The following ZFHX3 variants were observed in gnomAD, a reference collection of about 807,000 sequenced individuals.
ZFHX3 encodes the protein zinc finger homeobox 3.
Under a neutral mutation model 279.1 loss-of-function variants are expected in ZFHX3, and 42 were observed. The ratio of observed to expected loss-of-function variants is 0.15; its 90% CI spans 0.12 to 0.19. The LOEUF (loss-of-function observed/expected upper bound fraction) is 0.19, where lower values mean the gene tolerates loss of function less well. Among genes scored for constraint, ZFHX3 ranks in the 10% least tolerant of loss-of-function variants. The pLI, the probability that ZFHX3 is intolerant of heterozygous loss-of-function variation, is 1.00. For synonymous variants in ZFHX3, 2,293 were observed against 1,957.8 expected (o/e 1.17, Z -4.52); for missense variants, 4,981 against 4,754.0 (o/e 1.05, Z -1.40).
intron 2 of ZFHX3, chr16:73,504,572 G>A (rs956182924): frequency 3.3e-5 from 5 of 152,286 alleles, no homozygotes; most frequent in Admixed American, 2.6e-4. Context: ...AAAGAGAGAT[G>A]ACACAAGGGA....
chr16:73,816,269 T>C (rs1211948821), intron 1 of ZFHX3, among the ~76,000 whole-genome samples: 2 of 152,158 alleles, frequency 1.3e-5, no homozygotes, highest in South Asian at 4.1e-4. Context: ...GACTGAGTCA[T>C]GAAACATTAA....
At chr16:73,044,683 C>A (rs1364597634) in intron 1 of ZFHX3, among the ~76,000 whole-genome samples, 2 of 152,060 alleles carry the variant, frequency 1.3e-5, no homozygotes, top group Non-Finnish European at 2.9e-5. Flanking sequence ...ATGCAATGGC[C>A]CAATCTCAGC....
chr16:73,083,021 TAAAAAAAAAAA>T (rs71156139), intron 8 of ZFHX3, among the ~76,000 whole-genome samples: 2 of 132,032 alleles, frequency 1.5e-5, no homozygotes, highest in East Asian at 2.1e-4. Context: ...CCATCTCTAC[TAAAAAAAAAAA>T]AAAAAAAAAA....
rs747387623 is a variant in ZFHX3 at position 72,829,730 on chromosome 16, C to T, written c.3529+49G>A. 9.4e-6 allele frequency: 15 copies of T among 1,597,748 alleles called. No homozygotes were observed. In the East Asian group the frequency reaches 3.3e-4, roughly 36 times the overall value. ...CCAGGGAAGGAAAGATGAGAAGGCT[C>T]AAGGACAGCCACACACACTACCTGT... On this transcript the variant is annotated intron_variant, in intron 5 of 9. Transcript: ENST00000268489.
chr16:73,853,545 A>G (rs1961642894), intron 1 of ZFHX3, among the ~76,000 whole-genome samples: 2 of 152,222 alleles, frequency 1.3e-5, no homozygotes, highest in Admixed American at 1.3e-4. Flanking sequence ...GGATGGAACT[A>G]GAGGTCATCA....
At chr16:73,204,769 G>A (rs182612428) in intron 5 of ZFHX3, among the ~76,000 whole-genome samples, 3 of 152,296 alleles carry the variant, frequency 2.0e-5, no homozygotes, top group Admixed American at 1.3e-4. Flanking sequence ...CACAACACTT[G>A]GATGGGGAGC....
chr16:73,319,510 C>A (rs530404362), intron 3 of ZFHX3, among the ~76,000 whole-genome samples: 20 of 151,916 alleles, frequency 1.3e-4, no homozygotes, highest in Non-Finnish European at 2.8e-4. Context: ...CAGGCCCAGA[C>A]AGGAGAGTCA....
At chr16:73,728,316 C>T (rs751637433) in intron 1 of ZFHX3, among the ~76,000 whole-genome samples, 4 of 152,134 alleles carry the variant, frequency 2.6e-5, no homozygotes, top group Non-Finnish European at 5.9e-5. Flanking sequence ...CTGCTGACAC[C>T]TTGATCTCAG....
rs1567552149 is a variant in ZFHX3, at chr16:72,861,553, T to A, written c.3448+28178A>T. 3.3e-5 allele frequency among the ~76,000 whole-genome samples: 5 copies of A among 152,064 alleles called. No individual in the cohort carries two copies. In the South Asian group the frequency reaches 1.0e-3, roughly 31 times the overall value. On this transcript the variant is annotated intron_variant, in intron 4 of 9. Coordinates refer to ENST00000268489, the MANE Select transcript of ZFHX3 (RefSeq NM_006885.4). ...TTACCAGAGCAAGAGAACACCCTAA[T>A]ACCCCCAAGGAAGCCCCAAACGCCT...
At chr16:73,210,569 G>T (rs1472269170) in intron 5 of ZFHX3, among the ~76,000 whole-genome samples, 1 of 152,142 alleles carries the variant, frequency 6.6e-6, no homozygotes, top group South Asian at 2.1e-4. Flanking sequence ...GTGTTTCAGA[G>T]TTATTCCTAT....
intron 8 of ZFHX3, among the ~76,000 whole-genome samples, chr16:73,070,932 GCGCGCGCA>G (rs1314801497): frequency 2.7e-4 from 8 of 29,914 alleles, no homozygotes; most frequent in Admixed American, 6.2e-4. Flanking sequence ...GCGCGCGCGC[GCGCGCGCA>G]CACACACACA....
intron 1 of ZFHX3, among the ~76,000 whole-genome samples, chr16:73,776,035 C>A (rs1320813176): frequency 6.6e-6 from 1 of 152,192 alleles, no homozygotes; most frequent in Non-Finnish European, 1.5e-5. Context: ...TAAACTCCTG[C>A]AGACCTGACT....
chr16:73,285,659 A>G (rs1209237083), intron 4 of ZFHX3, among the ~76,000 whole-genome samples: 1 of 152,238 alleles, frequency 6.6e-6, no homozygotes. Context: ...CATGTCCGTC[A>G]GGGAAATATA....
At chr16:73,289,929 G>A (rs1325134315) in intron 4 of ZFHX3, among the ~76,000 whole-genome samples, 1 of 152,064 alleles carries the variant, frequency 6.6e-6, no homozygotes, top group East Asian at 1.9e-4. Flanking sequence ...CCCTTCAGGG[G>A]TGCTGAGGAA....
chr16:73,177,569 C>A (rs1293289099), intron 5 of ZFHX3, among the ~76,000 whole-genome samples: 8 of 152,190 alleles, frequency 5.3e-5, no homozygotes, highest in African/African-American at 1.9e-4. Flanking sequence ...TGTGATCTTT[C>A]CCAAAATACA....
intron 3 of ZFHX3, among the ~76,000 whole-genome samples, chr16:73,375,611 A>G (rs1190315231): frequency 6.6e-6 from 1 of 152,180 alleles, no homozygotes; most frequent in Admixed American, 6.5e-5. Context: ...GTTTATACTG[A>G]TACTTCCCAT....
chr16:73,534,078 A>T (rs761401493), intron 2 of ZFHX3, among the ~76,000 whole-genome samples: 1 of 152,108 alleles, frequency 6.6e-6, no homozygotes, highest in South Asian at 2.1e-4. Context: ...CTTTCATTCA[A>T]GGTAAAAGCC....
chr16:73,103,591 G>C (rs964772938), intron 7 of ZFHX3, among the ~76,000 whole-genome samples: 6 of 152,194 alleles, frequency 3.9e-5, no homozygotes, highest in African/African-American at 1.4e-4. Flanking sequence ...AAACTCCTCT[G>C]TGAGTCCGTG....
chr16:73,056,870 A>C (rs1488835884), intron 1 of ZFHX3, among the ~76,000 whole-genome samples: 1 of 152,198 alleles, frequency 6.6e-6, no homozygotes, highest in East Asian at 1.9e-4. Flanking sequence ...ATTCTCCCAA[A>C]GTAGGGAGGA....
Sources: allele counts gnomAD v4.1 joint callset (sites outside exome capture counted in the v4.1 genomes callset), GRCh38; gene constraint gnomAD v4.1.1; transcripts MANE v1.5; gene names NCBI Gene and HGNC (gene_info 2026-07-23, HGNC 2026-07-21).